The following PHF2 variants were observed in gnomAD, a reference collection of about 807,000 sequenced individuals.
The protein encoded by PHF2 is PHD finger protein 2.
PHF2 carries 27 observed loss-of-function variants against 120.5 expected under a neutral mutation model. The observed-to-expected ratio is 0.22, with a 90% CI of 0.17 to 0.31. PHF2 has a LOEUF of 0.31. Among genes scored for constraint, PHF2 ranks in the 10% least tolerant of loss-of-function variants. The probability of loss-of-function intolerance (pLI) is 1.00; values close to 1 mark genes in which losing one functional copy is unlikely to be tolerated. For synonymous variants in PHF2, 568 were observed against 592.5 expected, an observed-to-expected ratio of 0.96 and a Z score of 0.60; for missense variants, 1,024 against 1,434.8, an observed-to-expected ratio of 0.71 and a Z score of 4.63.
chr9:93,592,072 C>T (rs750276926), intron 1 of PHF2, among the ~76,000 whole-genome samples: 2 of 152,218 alleles, frequency 1.3e-5, no homozygotes, highest in Non-Finnish European at 2.9e-5. Flanking sequence ...CTGCCTTAAC[C>T]AGGGACACCT....
chr9:93,583,430 G>T (rs1862970553), intron 1 of PHF2, among the ~76,000 whole-genome samples: 1 of 152,140 alleles, frequency 6.6e-6, no homozygotes, highest in African/African-American at 2.4e-5. Context: ...ATATACTTGG[G>T]AATGGAATTG....
intron 1 of PHF2, among the ~76,000 whole-genome samples, chr9:93,597,616 AG>A (rs1239916938): frequency 1.3e-5 from 2 of 152,138 alleles, no homozygotes; most frequent in East Asian, 3.9e-4. Context: ...CTTGAGTTTC[AG>A]GGTACAGGTA....
chr9:93,663,237 A>C (rs1206707984), intron 13 of PHF2, among the ~76,000 whole-genome samples: 1 of 152,112 alleles, frequency 6.6e-6, no homozygotes, highest in Non-Finnish European at 1.5e-5. Flanking sequence ...GTTGGGATGC[A>C]AGAGGTTGAA....
At chr9:93,613,941 C>T (rs1403193639) in intron 1 of PHF2, among the ~76,000 whole-genome samples, 10 of 152,126 alleles carry the variant, frequency 6.6e-5, no homozygotes, top group African/African-American at 1.7e-4. Flanking sequence ...TCCTGGCTGC[C>T]GGGTGGACCT....
intron 1 of PHF2, among the ~76,000 whole-genome samples, chr9:93,593,471 A>G (rs1020158736): frequency 2.0e-5 from 3 of 152,244 alleles, no homozygotes; most frequent in African/African-American, 7.2e-5. Context: ...TTTGCTCTAC[A>G]TCTGCATACA....
At chr9:93,662,111 A>G (rs919488483) in intron 12 of PHF2, among the ~76,000 whole-genome samples, 9 of 151,252 alleles carry the variant, frequency 6.0e-5, no homozygotes, top group African/African-American at 1.9e-4. Flanking sequence ...GGGTGGGTGG[A>G]TGAATAAATG....
chr9:93,659,696 G>A, intron 11 of PHF2, 96 bp downstream of exon 11: 1 of 1,160,488 alleles, frequency 8.6e-7, no homozygotes, highest in Non-Finnish European at 1.3e-6. Context: ...ACACAGAGCT[G>A]CCAGGTCTGG....
intron 1 of PHF2, among the ~76,000 whole-genome samples, chr9:93,588,892 AAAAC>A (rs993751744): frequency 1.8e-4 from 27 of 152,318 alleles, no homozygotes; most frequent in African/African-American, 5.8e-4. Flanking sequence ...CTCTGTCTCA[AAAAC>A]AAACAAACAA....
At chr9:93,582,586 G>C (rs1862951893) in intron 1 of PHF2, among the ~76,000 whole-genome samples, 2 of 152,168 alleles carry the variant, frequency 1.3e-5, no homozygotes, top group South Asian at 4.1e-4. Flanking sequence ...TCCAGAATGG[G>C]ACTTGGCTTC....
intron 1 of PHF2, among the ~76,000 whole-genome samples, chr9:93,577,790 C>A (rs991561124): frequency 6.6e-6 from 1 of 152,174 alleles, no homozygotes; most frequent in African/African-American, 2.4e-5. Context: ...TGGCCCCATG[C>A]CTAGGGCAGG....
chr9:93,665,470 C>T (rs1826657770), intron 14 of PHF2, among the ~76,000 whole-genome samples: 2 of 152,236 alleles, frequency 1.3e-5, no homozygotes, highest in Admixed American at 1.3e-4. Flanking sequence ...AAGGCCCAGC[C>T]TGGCCTCCTG....
Position 93,675,721 on chromosome 9 carries a change from C to T in PHF2, c.2764C>T (p.Arg922Cys), listed in dbSNP as rs777717056. The change falls in exon 20 of 22, where the codon CGT becomes TGT. Residue 922 changes from arginine (R) to cysteine (C), a missense_variant. Coordinates refer to ENST00000359246, the MANE Select transcript of PHF2 (RefSeq NM_005392.4). ...GGTGCCAAGACAGGACAGGCCTGTG[C>T]GTGAGGGTACACGGGTGGCTTCCAT... ...PSVPRQDRPV[R>C]EGTRVASIET... is the part of the protein sequence containing the mutation. 4.3e-6 allele frequency: 7 copies of T among 1,613,076 alleles called. No homozygotes were observed. Among genetic ancestry groups the T allele is most frequent in the South Asian group, 1.1e-5 (1 of 91,078 alleles).
Position 93,673,579 on chromosome 9 carries a change from C to T in PHF2, c.2349-6C>T. ...GGGCTGAGTGCCTGTCTCTCTGTGCCCCTAGCCAGCCCCCGGCCTCCCCCA... is the reference window on the plus strand; with the variant it reads ...GGGCTGAGTGCCTGTCTCTCTGTGCTCCTAGCCAGCCCCCGGCCTCCCCCA... On this transcript the variant is annotated splice_region_variant and splice_polypyrimidine_tract_variant and intron_variant, in intron 17 of 21. Coordinates refer to ENST00000359246, the MANE Select transcript of PHF2 (RefSeq NM_005392.4). The T allele has an allele frequency of 6.4e-7, 1 of 1,554,264 alleles. No individual in the cohort carries two copies. Among genetic ancestry groups the T allele is most frequent in the East Asian group, 2.3e-5 (1 of 44,126 alleles).
intron 5 of PHF2, among the ~76,000 whole-genome samples, chr9:93,651,009 T>C (rs1226405221): frequency 6.6e-6 from 1 of 151,274 alleles, no homozygotes; most frequent in South Asian, 2.1e-4. Flanking sequence ...CCCAAGACTT[T>C]GGGAGGCTGA....
intron 4 of PHF2, among the ~76,000 whole-genome samples, chr9:93,646,003 C>T (rs1826251853): frequency 6.6e-6 from 1 of 152,184 alleles, no homozygotes; most frequent in Admixed American, 6.5e-5. Flanking sequence ...CCTTGCCCTC[C>T]CAGATACTCT....
rs1475987271 is a variant in PHF2, at chr9:93,576,771, A to C, written c.-3A>C. ...GGGCCGAGCGGCGGCGCGGCGCGGC[A>C]ACATGGCGACGGTGCCCGTGTACTG... On this transcript the variant is annotated 5_prime_UTR_variant, in exon 1 of 22. Transcript: ENST00000359246. 8.1e-7 allele frequency: 1 copy of C among 1,238,824 alleles called. No homozygotes were observed. The highest frequency in any genetic ancestry group is 1.0e-6 in the Non-Finnish European group (1 of 959,506). 76.7% of individuals were successfully genotyped at this position (1,238,824 alleles called of 1,614,324 possible).
rs77002154 is a variant in PHF2, at chr9:93,608,009, G to A, written c.99-21961G>A. Among the ~76,000 whole-genome samples, 430 of 123,670 alleles carry A rather than the reference G, an allele frequency of 3.5e-3. 18 individuals are homozygous for A. The East Asian group carries it at 0.084, about 24-fold the overall frequency. 81.1% of individuals were successfully genotyped at this position (123,670 alleles called of 152,430 possible). ...CGGAGGGAGATGAGAGAGAGAGAGA[G>A]AAGGAAAGGAGGAAGGAAAGAAAGG... On this transcript the variant is annotated intron_variant, in intron 1 of 21. Transcript: ENST00000359246.
chr9:93,577,993 G>C (rs1434672290), intron 1 of PHF2, among the ~76,000 whole-genome samples: 1 of 152,204 alleles, frequency 6.6e-6, no homozygotes, highest in Non-Finnish European at 1.5e-5. Context: ...GAAAGAGAGG[G>C]GTGTGTGGTG....
intron 1 of PHF2, among the ~76,000 whole-genome samples, chr9:93,590,107 T>C (rs1165909662): frequency 6.6e-6 from 1 of 152,238 alleles, no homozygotes; most frequent in Non-Finnish European, 1.5e-5. Flanking sequence ...GGATATAGCA[T>C]TTCGGATTTT....
Sources: gnomAD v4.1 joint callset for allele counts (sites outside exome capture counted in the v4.1 genomes callset) on GRCh38, gnomAD v4.1.1 for gene constraint, MANE v1.5 for transcripts, NCBI Gene and HGNC (gene_info 2026-07-23, HGNC 2026-07-21) for gene names.